The following REC114 variants were observed in gnomAD, a reference collection of about 807,000 sequenced individuals.
REC114 encodes meiotic recombination protein REC114.
REC114 carries 27 observed loss-of-function variants against 31.3 expected under a neutral mutation model. That is an observed-to-expected ratio of 0.86 (90% CI 0.64 to 1.19). The LOEUF (loss-of-function observed/expected upper bound fraction) is 1.19, where lower values mean the gene tolerates loss of function less well. Among genes scored for constraint, REC114 ranks in the 50% most tolerant of loss-of-function variants. REC114 has a pLI of 0.00. For missense variants in REC114, 344 were observed against 326.9 expected, an observed-to-expected ratio of 1.05 and a Z score of -0.40; for synonymous variants, 134 against 127.7, an observed-to-expected ratio of 1.05 and a Z score of -0.33.
chr15:73,555,005 TCCTTTGGC>T (rs530802498), intron 4 of REC114, among the ~76,000 whole-genome samples: 69 of 152,188 alleles, frequency 4.5e-4, no homozygotes, highest in African/African-American at 1.6e-3. Context: ...GATTATAGAG[TCCTTTGGC>T]CCTTTGGCCA....
intron 2 of REC114, among the ~76,000 whole-genome samples, chr15:73,495,717 T>C (rs1453742495): frequency 2.6e-5 from 4 of 152,148 alleles, no homozygotes; most frequent in African/African-American, 9.6e-5. Context: ...AAGATTTTTT[T>C]CTCACAGTAT....
At chr15:73,536,506 C>T (rs1043075128) in intron 2 of REC114, among the ~76,000 whole-genome samples, 3 of 152,136 alleles carry the variant, frequency 2.0e-5, no homozygotes, top group Non-Finnish European at 4.4e-5. Context: ...GCACAGCATG[C>T]TATGAGAACA....
rs1268764076 is a variant in REC114 at position 73,448,059 on chromosome 15, C to A, written c.159+4715C>A. 4.6e-5 allele frequency among the ~76,000 whole-genome samples: 7 copies of A among 152,116 alleles called. No individual in the cohort carries two copies. The South Asian group carries it at 1.0e-3, about 23-fold the overall frequency. On this transcript the variant is annotated intron_variant, in intron 1 of 5. Coordinates refer to ENST00000331090, the MANE Select transcript of REC114 (RefSeq NM_001042367.2). Reference sequence around the variant, plus strand: ...GGGTTTCAAGCACAAAACTGGGTGGCCATTTGGGCAGACACTGAGCTAGCT... The same window carrying A: ...GGGTTTCAAGCACAAAACTGGGTGGACATTTGGGCAGACACTGAGCTAGCT...
rs11421177 is a variant in REC114 at position 73,546,817 on chromosome 15, GA to G, written c.334-4104del. 1.9e-3 allele frequency among the ~76,000 whole-genome samples: 223 copies of G among 115,832 alleles called. 2 individuals carry two copies. Among genetic ancestry groups the G allele is most frequent in the African/African-American group, 3.7e-3 (112 of 30,486 alleles). The allele number at this position is 115,832 out of a possible 152,430, so 76.0% of individuals were successfully genotyped here. On this transcript the variant is annotated intron_variant, in intron 3 of 5. Transcript: ENST00000331090. ...CAACAAGAGCAAAACTCTGTCTCAG[GA>G]AAAAAAAAAAAAAAAAGAGTTCTGG...
intron 2 of REC114, among the ~76,000 whole-genome samples, chr15:73,492,791 G>A (rs956170499): frequency 2.6e-5 from 4 of 151,942 alleles, no homozygotes; most frequent in African/African-American, 9.7e-5. Flanking sequence ...CACATTCTTG[G>A]CTATACATTC....
intron 1 of REC114, among the ~76,000 whole-genome samples, chr15:73,452,556 T>C (rs1170249910): frequency 2.6e-5 from 4 of 152,228 alleles, no homozygotes; most frequent in Non-Finnish European, 5.9e-5. Flanking sequence ...ATGGCCATTC[T>C]GCCCCAAGTA....
chr15:73,466,217 T>G (rs995461243), intron 1 of REC114, among the ~76,000 whole-genome samples: 3 of 152,204 alleles, frequency 2.0e-5, no homozygotes, highest in Admixed American at 1.3e-4. Flanking sequence ...TGATATTTTA[T>G]GAAATTGTTC....
At chr15:73,461,254 TAC>T (rs918175993) in intron 1 of REC114, among the ~76,000 whole-genome samples, 3 of 152,148 alleles carry the variant, frequency 2.0e-5, no homozygotes, top group African/African-American at 7.2e-5. Flanking sequence ...ATTAGCATAA[TAC>T]ACTCTACAAG....
intron 1 of REC114, among the ~76,000 whole-genome samples, chr15:73,468,801 T>C (rs1893096231): frequency 1.3e-5 from 2 of 152,058 alleles, no homozygotes; most frequent in Admixed American, 1.3e-4. Context: ...TTCTGCATTC[T>C]CTCATATTGA....
In REC114 at chr15:73,540,509, A is replaced by C. The variant is rs762442165; in HGVS notation, c.274A>C (p.Lys92Gln). The C allele has an allele frequency of 3.7e-6, 6 of 1,613,968 alleles. No homozygotes were observed. In the South Asian group the frequency reaches 5.5e-5, roughly 15 times the overall value. The change falls in exon 3 of 6, where the codon AAG (lysine) becomes CAG (glutamine). Residue 92 changes from lysine to glutamine, a missense_variant. By Grantham distance (53) the Lys-to-Gln change is moderately conservative. Transcript: ENST00000331090. ...LLEGFSLIGS[K>Q]DWLKIVRRVD... ...GGAAGGGTTTTCACTCATTGGTAGCAAGGACTGGTTGAAGATTGTAAGACG... is the reference window on the plus strand; with the variant it reads ...GGAAGGGTTTTCACTCATTGGTAGCCAGGACTGGTTGAAGATTGTAAGACG...
At chr15:73,513,695 T>C (rs1317556429) in intron 2 of REC114, among the ~76,000 whole-genome samples, 4 of 152,112 alleles carry the variant, frequency 2.6e-5, no homozygotes, top group South Asian at 4.2e-4. Context: ...TCTGTTGGAA[T>C]ACCCTGCCTT....
intron 1 of REC114, among the ~76,000 whole-genome samples, chr15:73,472,889 C>G (rs1893153413): frequency 6.6e-6 from 1 of 152,192 alleles, no homozygotes; most frequent in East Asian, 1.9e-4. Context: ...AATGAAGTGT[C>G]AGGAGGTTAT....
chr15:73,474,707 A>G (rs542285147), intron 2 of REC114, among the ~76,000 whole-genome samples: 1 of 152,322 alleles, frequency 6.6e-6, no homozygotes, highest in African/African-American at 2.4e-5. Flanking sequence ...GTGAAGACAG[A>G]AATCTCTTTC....
chr15:73,495,703 G>A (rs1038954528), intron 2 of REC114, among the ~76,000 whole-genome samples: 1 of 151,982 alleles, frequency 6.6e-6, no homozygotes, highest in African/African-American at 2.4e-5. Flanking sequence ...CACATCTTTG[G>A]TATAAGATTT....
chr15:73,530,726 G>A (rs570663975), intron 2 of REC114, among the ~76,000 whole-genome samples: 1 of 149,340 alleles, frequency 6.7e-6, no homozygotes, highest in African/African-American at 2.5e-5. Context: ...CTTCATATTT[G>A]TAGCAATTCT....
intron 3 of REC114, among the ~76,000 whole-genome samples, chr15:73,540,996 T>A (rs1331101966): frequency 6.6e-6 from 1 of 152,226 alleles, no homozygotes. Context: ...TAAAGAATGA[T>A]CTTCATCAAA....
At position 73,540,523 on chromosome 15, in the gene REC114, G is replaced by T; in HGVS notation, c.288G>T (p.Lys96Asn). The change falls in exon 3 of 6, where the codon AAG becomes AAT. Residue 96 changes from lysine to asparagine, a missense_variant. Lys to Asn is a moderately conservative substitution (Grantham distance 94, BLOSUM62 0). Transcript: ENST00000331090. The stretch of plus-strand genomic sequence containing the variant: ...TCATTGGTAGCAAGGACTGGTTGAA[G>T]ATTGTAAGACGCGTGGATTGTCTGT... The part of the protein sequence containing the change: ...FSLIGSKDWL[K>N]IVRRVDCLLF... The T allele has an allele frequency of 1.2e-6, 2 of 1,613,966 alleles. No homozygotes were observed. The highest frequency in any genetic ancestry group is 1.7e-6 in the Non-Finnish European group (2 of 1,179,860).
intron 3 of REC114, among the ~76,000 whole-genome samples, chr15:73,549,687 C>T (rs947447990): frequency 6.6e-6 from 1 of 151,734 alleles, no homozygotes; most frequent in Non-Finnish European, 1.5e-5. Context: ...ATATATGACT[C>T]TTCATATTTT....
intron 3 of REC114, among the ~76,000 whole-genome samples, chr15:73,541,422 C>T (rs1894235948): frequency 6.6e-6 from 1 of 152,088 alleles, no homozygotes; most frequent in East Asian, 1.9e-4. Context: ...TTTATTAGTC[C>T]TCCTACTAGA....
Sources: gnomAD v4.1 joint callset for allele counts (sites outside exome capture counted in the v4.1 genomes callset) on GRCh38, gnomAD v4.1.1 for gene constraint, MANE v1.5 for transcripts, NCBI Gene and HGNC (gene_info 2026-07-23, HGNC 2026-07-21) for gene names.